ATF2: variants seen among roughly 807,000 people sequenced by gnomAD.
ATF2 encodes the protein cyclic AMP-dependent transcription factor ATF-2.
In ATF2, 24 loss-of-function variants were observed where a neutral mutation model predicts 60.6. The ratio of observed to expected loss-of-function variants is 0.40; its 90% CI spans 0.29 to 0.56. ATF2 has a LOEUF of 0.56. Ranked by LOEUF, ATF2 falls within the 20% of genes least tolerant of loss-of-function variation. ATF2 has a pLI of 0.54. For synonymous variants in ATF2, 206 were observed against 215.4 expected (o/e 0.96, Z 0.38); for missense variants, 433 against 607.7 (o/e 0.71, Z 3.02).
At chr2:175,141,661 T>A (rs1020187983) in intron 2 of ATF2, among the ~76,000 whole-genome samples, 9 of 151,674 alleles carry the variant, frequency 5.9e-5, no homozygotes, top group African/African-American at 2.2e-4. Context: ...CCCGGCTAAT[T>A]TTTTTGTATT....
intron 13 of ATF2, 131 bp from the exon 14 acceptor site, chr2:175,074,966 C>T: frequency 1.3e-6 from 2 of 1,523,470 alleles, no homozygotes; most frequent in Non-Finnish European, 1.8e-6. Context: ...GGTATTACAG[C>T]AATTGATATA....
At chr2:175,103,493 C>T (rs1695441006) in intron 10 of ATF2, among the ~76,000 whole-genome samples, 1 of 151,974 alleles carries the variant, frequency 6.6e-6, no homozygotes, top group Admixed American at 6.6e-5. Flanking sequence ...ATTAGCTCGG[C>T]ATGCAGAGGC....
chr2:175,096,402 T>A (rs964534406), intron 11 of ATF2, among the ~76,000 whole-genome samples: 5 of 152,228 alleles, frequency 3.3e-5, no homozygotes, highest in Admixed American at 6.5e-5. Flanking sequence ...TTTATGTTAG[T>A]AATGTAATAC....
chr2:175,148,418 T>TGAG (rs71031092), intron 2 of ATF2, among the ~76,000 whole-genome samples: 39,662 of 151,920 alleles, frequency 0.26, 6,121 homozygotes, highest in African/African-American at 0.44. Flanking sequence ...CACAGTCCAC[T>TGAG]GAGACTCTGA....
intron 2 of ATF2, among the ~76,000 whole-genome samples, chr2:175,145,983 G>A (rs1180964041): frequency 1.3e-5 from 2 of 152,098 alleles, no homozygotes; most frequent in Non-Finnish European, 2.9e-5. Flanking sequence ...AAGGGCAAAA[G>A]TAATTTACAG....
chr2:175,078,531 A>C (rs757717551), intron 13 of ATF2, among the ~76,000 whole-genome samples: 7 of 152,128 alleles, frequency 4.6e-5, no homozygotes, highest in Non-Finnish European at 8.8e-5. Flanking sequence ...TTTTCCCACG[A>C]CTGAGGGGTC....
intron 3 of ATF2, among the ~76,000 whole-genome samples, chr2:175,135,105 G>T (rs983002455): frequency 6.6e-6 from 1 of 151,870 alleles, no homozygotes; most frequent in African/African-American, 2.4e-5. Context: ...CATGGAGAAG[G>T]GGGAGGAGGA....
chr2:175,097,257 A>T (rs1488253626), intron 11 of ATF2, among the ~76,000 whole-genome samples, 187 bp downstream of exon 11: 28 of 152,194 alleles, frequency 1.8e-4, no homozygotes, highest in Admixed American at 1.8e-3. Flanking sequence ...CTGAACAGAA[A>T]CACTGCTCTA....
intron 1 of ATF2, among the ~76,000 whole-genome samples, chr2:175,156,284 T>C (rs1294818572): frequency 6.9e-6 from 1 of 145,642 alleles, no homozygotes; most frequent in Non-Finnish European, 1.5e-5. Context: ...GGCAGGAAAA[T>C]TGCTTTAACC....
rs183474203 is a variant in ATF2 at position 175,108,009 on chromosome 2, C to T, written c.828+3559G>A. Among the ~76,000 whole-genome samples the T allele has an allele frequency of 4.4e-3, 657 of 150,598 alleles. 5 individuals carry two copies. The highest frequency in any genetic ancestry group is 0.011 in the African/African-American group (457 of 40,964). On this transcript the variant is annotated intron_variant, in intron 10 of 13. Coordinates refer to ENST00000264110, the MANE Select transcript of ATF2 (RefSeq NM_001880.4). ...GCCACCCCGTCTGGGAAGTGAGGAG[C>T]GTCTCTGCCTGGCCGCCCATCGTCT...
chr2:175,162,498 AT>A (rs1276048855), intron 1 of ATF2, among the ~76,000 whole-genome samples: 1 of 152,250 alleles, frequency 6.6e-6, no homozygotes, highest in Non-Finnish European at 1.5e-5. Flanking sequence ...TTCATTTGAG[AT>A]TAGTATCCTA....
At chr2:175,097,404 A>C (rs1196246634) in intron 11 of ATF2, 40 bp downstream of exon 11, 1 of 1,603,124 alleles carries the variant, frequency 6.2e-7, no homozygotes, top group African/African-American at 1.3e-5. Context: ...TTTCTGTTTA[A>C]AGATGACAGA....
chr2:175,094,913 G>T (rs182735525), intron 11 of ATF2, among the ~76,000 whole-genome samples: 2 of 152,138 alleles, frequency 1.3e-5, no homozygotes, highest in African/African-American at 2.4e-5. Context: ...ACTGTACTCC[G>T]CATGGGCAAC....
At chr2:175,109,880 C>T (rs1231104548) in intron 10 of ATF2, among the ~76,000 whole-genome samples, 1 of 152,148 alleles carries the variant, frequency 6.6e-6, no homozygotes, top group Admixed American at 6.5e-5. Context: ...GAAAAATTTC[C>T]TCCTTGGGTT....
chr2:175,122,774 GT>G (rs35640796), intron 4 of ATF2, among the ~76,000 whole-genome samples: 39,352 of 151,660 alleles, frequency 0.26, 6,046 homozygotes, highest in African/African-American at 0.44. Flanking sequence ...TTAGCATATA[GT>G]TAAGTACTCA....
At chr2:175,107,119 C>T (rs1399085150) in intron 10 of ATF2, among the ~76,000 whole-genome samples, 2 of 152,054 alleles carry the variant, frequency 1.3e-5, no homozygotes, top group African/African-American at 2.4e-5. Flanking sequence ...AGCCAAACCC[C>T]GTCTCAATCA....
intron 1 of ATF2, among the ~76,000 whole-genome samples, chr2:175,155,474 T>C (rs559494365): frequency 4.1e-4 from 63 of 152,332 alleles, no homozygotes; most frequent in Non-Finnish European, 7.2e-4. Flanking sequence ...TACTTTATTG[T>C]ATAGTGTGAT....
intron 2 of ATF2, among the ~76,000 whole-genome samples, chr2:175,149,817 A>G (rs1318528230): frequency 6.6e-6 from 1 of 152,084 alleles, no homozygotes; most frequent in African/African-American, 2.4e-5. Context: ...CCTCCCTTAT[A>G]TCATCCATTT....
chr2:175,142,720 A>AGAGAGAGAGAGT (rs1491359659), intron 2 of ATF2, among the ~76,000 whole-genome samples: 6 of 71,098 alleles, frequency 8.4e-5, no homozygotes, highest in African/African-American at 2.8e-4. Flanking sequence ...AGAGAGAGAG[A>AGAGAGAGAGAGT]GTGTGTGTGT....
Sources: gnomAD v4.1 joint callset for allele counts (sites outside exome capture counted in the v4.1 genomes callset) on GRCh38, gnomAD v4.1.1 for gene constraint, MANE v1.5 for transcripts, NCBI Gene and HGNC (gene_info 2026-07-23, HGNC 2026-07-21) for gene names.